TMEM150C: variants seen among roughly 807,000 people sequenced by gnomAD.
TMEM150C encodes the protein transmembrane protein 150C.
TMEM150C carries 10 observed loss-of-function variants against 29.9 expected under a neutral mutation model. The ratio of observed to expected loss-of-function variants is 0.33; its 90% CI spans 0.21 to 0.57. The LOEUF is 0.57. TMEM150C is among the 20% of genes least tolerant of loss of function. The probability of loss-of-function intolerance (pLI) is 0.88; values close to 1 mark genes in which losing one functional copy is unlikely to be tolerated. For synonymous variants in TMEM150C, 101 were observed against 112.5 expected (o/e 0.90, Z 0.64); for missense variants, 251 against 303.6 (o/e 0.83, Z 1.29).
chr4:82,538,767 A>C (rs1454826712), intron 1 of TMEM150C, among the ~76,000 whole-genome samples: 1 of 152,218 alleles, frequency 6.6e-6, no homozygotes, highest in Non-Finnish European at 1.5e-5. Flanking sequence ...GATGTTAAAA[A>C]GACATTTGAG....
intron 1 of TMEM150C, among the ~76,000 whole-genome samples, chr4:82,531,167 T>C (rs1417181764): frequency 6.6e-6 from 1 of 152,140 alleles, no homozygotes; most frequent in Non-Finnish European, 1.5e-5. Flanking sequence ...AGTAAAGATC[T>C]AGTAACTAAG....
intron 1 of TMEM150C, among the ~76,000 whole-genome samples, chr4:82,541,908 A>T (rs1245979683): frequency 6.6e-6 from 1 of 152,200 alleles, no homozygotes; most frequent in Non-Finnish European, 1.5e-5. Context: ...TTGCTCTATA[A>T]TATTATTTTG....
At chr4:82,558,624 A>G (rs1224038572) in intron 1 of TMEM150C, among the ~76,000 whole-genome samples, 2 of 145,382 alleles carry the variant, frequency 1.4e-5, no homozygotes, top group African/African-American at 5.0e-5. Context: ...AACATACCAG[A>G]AAAAAAAAAA....
chr4:82,520,894 C>T (rs772193982), intron 1 of TMEM150C, among the ~76,000 whole-genome samples: 10 of 152,094 alleles, frequency 6.6e-5, no homozygotes, highest in Non-Finnish European at 1.2e-4. Context: ...ACAAACAAAA[C>T]ACACACAAAA....
intron 1 of TMEM150C, among the ~76,000 whole-genome samples, chr4:82,548,530 T>A (rs1209103189): frequency 2.0e-5 from 3 of 152,180 alleles, no homozygotes; most frequent in African/African-American, 7.2e-5. Context: ...TTTCTGAGCA[T>A]GCTGCAGTCC....
rs369232942 is a variant in TMEM150C at position 82,490,155 on chromosome 4, C to T, written c.447G>A (p.Ala149=). ...FGTLTCWIQA[A]LTLKVNIKNE... is the part of the protein sequence containing the mutation. ...TCTTGATGTTGACCTTGAGTGTCAG[C>T]GCAGCCTGGATCCAGCAGGTCAATG... Residue 149 remains alanine (A), a synonymous_variant, in exon 7 of 8, where the codon GCG becomes GCA. Coordinates refer to ENST00000449862, the MANE Select transcript of TMEM150C (RefSeq NM_001080506.3). 42 of 1,613,986 alleles carry T rather than the reference C, an allele frequency of 2.6e-5. No homozygotes were observed. The highest frequency in any genetic ancestry group is 3.1e-5 in the Non-Finnish European group (37 of 1,179,882).
At chr4:82,551,328 T>C (rs11945402) in intron 1 of TMEM150C, among the ~76,000 whole-genome samples, 10,214 of 152,258 alleles carry the variant, frequency 0.067, 554 homozygotes, top group African/African-American at 0.14. Context: ...CCCACTATAA[T>C]GTAAAGCTCC....
At chr4:82,523,579 G>A (rs1471992769) in intron 1 of TMEM150C, among the ~76,000 whole-genome samples, 3 of 152,148 alleles carry the variant, frequency 2.0e-5, no homozygotes, top group Admixed American at 1.3e-4. Context: ...TTGCCGGCCT[G>A]GTGGGGCCTT....
At chr4:82,504,493 G>C in intron 2 of TMEM150C, 85 bp downstream of exon 2, 1 of 1,128,166 alleles carries the variant, frequency 8.9e-7, no homozygotes, top group Non-Finnish European at 1.3e-6. Context: ...GAGCCACCGT[G>C]CCCGGCTGCC....
chr4:82,554,967 T>G (rs1725695247), intron 1 of TMEM150C, among the ~76,000 whole-genome samples: 1 of 152,228 alleles, frequency 6.6e-6, no homozygotes, highest in African/African-American at 2.4e-5. Flanking sequence ...ACACAGCTTC[T>G]GTACTTTTTA....
intron 1 of TMEM150C, among the ~76,000 whole-genome samples, chr4:82,547,093 AAC>A (rs1190769490): frequency 6.6e-6 from 1 of 152,190 alleles, no homozygotes; most frequent in Non-Finnish European, 1.5e-5. Flanking sequence ...AGGAACTATC[AAC>A]AGAGTAAACA....
chr4:82,498,933 A>G (rs1028500091), intron 5 of TMEM150C, among the ~76,000 whole-genome samples: 2 of 152,242 alleles, frequency 1.3e-5, no homozygotes, highest in African/African-American at 4.8e-5. Flanking sequence ...ATTTGAAGAC[A>G]GGGATTTAAC....
At chr4:82,530,842 G>A (rs1724821826) in intron 1 of TMEM150C, among the ~76,000 whole-genome samples, 1 of 152,210 alleles carries the variant, frequency 6.6e-6, no homozygotes, top group Non-Finnish European at 1.5e-5. Flanking sequence ...TATGGTGGAA[G>A]GCGAAGGGGA....
At chr4:82,523,874 G>A (rs1001320096) in intron 1 of TMEM150C, among the ~76,000 whole-genome samples, 2 of 151,546 alleles carry the variant, frequency 1.3e-5, no homozygotes, top group Non-Finnish European at 2.9e-5. Flanking sequence ...GATGGGGGGG[G>A]TTTCACCATG....
intron 1 of TMEM150C, among the ~76,000 whole-genome samples, chr4:82,509,362 C>A (rs1724043004): frequency 6.6e-6 from 1 of 152,182 alleles, no homozygotes; most frequent in African/African-American, 2.4e-5. Flanking sequence ...CTTCAAGCTG[C>A]AGATAGCCAA....
Position 82,504,607 on chromosome 4 carries a change from A to G in TMEM150C, c.51T>C (p.Thr17=), listed in dbSNP as rs371247342. 1.3e-5 allele frequency: 21 copies of G among 1,613,594 alleles called. No homozygotes were observed. Among genetic ancestry groups the G allele is most frequent in the Non-Finnish European group, 1.6e-5 (19 of 1,179,708 alleles). ...TCCACAATCCAGCTGAAGTAAACAAAGTAAATACAAGAGGTAGGAACATCC... is the reference window on the plus strand; with the variant it reads ...TCCACAATCCAGCTGAAGTAAACAAGGTAAATACAAGAGGTAGGAACATCC... ...SVWMFLPLVF[T]LFTSAGLWIV... The change falls in exon 2 of 8, where the codon ACT becomes ACC. Residue 17 remains threonine, a synonymous_variant. Coordinates refer to ENST00000449862, the MANE Select transcript of TMEM150C (RefSeq NM_001080506.3).
rs952146149 is a variant in TMEM150C, at chr4:82,561,887, G to T, written c.-11+19C>A. 5 of 992,178 alleles carry T rather than the reference G, an allele frequency of 5.0e-6. No individual in the cohort carries two copies. The highest frequency in any genetic ancestry group is 6.0e-6 in the Non-Finnish European group (5 of 834,298). 61.5% of individuals were successfully genotyped at this position (992,178 alleles called of 1,614,324 possible). ...GGCTGCGCGACGGGCCCAGGCAGGG[G>T]AGGGGGCGCCGCGCCTACCTGCTCT... On this transcript the variant is annotated intron_variant, in intron 1 of 7. Coordinates refer to ENST00000449862, the MANE Select transcript of TMEM150C (RefSeq NM_001080506.3).
At chr4:82,541,970 T>C (rs1261256149) in intron 1 of TMEM150C, among the ~76,000 whole-genome samples, 2 of 152,212 alleles carry the variant, frequency 1.3e-5, no homozygotes, top group Admixed American at 6.5e-5. Context: ...CGCAGTAAGG[T>C]AGAAATACAG....
intron 1 of TMEM150C, among the ~76,000 whole-genome samples, chr4:82,539,626 G>T (rs1028538034): frequency 6.6e-6 from 1 of 152,074 alleles, no homozygotes; most frequent in Non-Finnish European, 1.5e-5. Context: ...CTAATTTTTT[G>T]TATTTTTAGT....
Sources: allele counts gnomAD v4.1 joint callset (sites outside exome capture counted in the v4.1 genomes callset), GRCh38; gene constraint gnomAD v4.1.1; transcripts MANE v1.5; gene names NCBI Gene and HGNC (gene_info 2026-07-23, HGNC 2026-07-21).